The following SOX5 variants were observed in gnomAD, a reference collection of about 807,000 sequenced individuals.
SOX5 encodes the protein SRY-box transcription factor 5.
Under a neutral mutation model 92.0 loss-of-function variants are expected in SOX5, and 9 were observed. The observed-to-expected ratio is 0.10, with a 90% CI of 0.06 to 0.17. The LOEUF is 0.17. Ranked by LOEUF, SOX5 falls within the 10% of genes least tolerant of loss-of-function variation. SOX5 has a pLI of 1.00. For synonymous variants in SOX5, 344 were observed against 336.3 expected (o/e 1.02, Z -0.25); for missense variants, 642 against 944.5 (o/e 0.68, Z 4.20).
chr12:24,403,501 C>T (rs2136670389), intron 1 of SOX5, among the ~76,000 whole-genome samples: 1 of 152,346 alleles, frequency 6.6e-6, no homozygotes, highest in Non-Finnish European at 1.5e-5. Context: ...AGTTCTTACA[C>T]TGTGAGCATT....
intron 1 of SOX5, among the ~76,000 whole-genome samples, chr12:24,471,509 G>A (rs1430800875): frequency 1.3e-5 from 2 of 152,168 alleles, no homozygotes; most frequent in Non-Finnish European, 2.9e-5. Flanking sequence ...TGATAAAGAT[G>A]TATGAGATTA....
At chr12:24,057,408 C>A (rs1958241902) in intron 4 of SOX5, among the ~76,000 whole-genome samples, 1 of 152,104 alleles carries the variant, frequency 6.6e-6, no homozygotes, top group Non-Finnish European at 1.5e-5. Context: ...GCATTTCTCC[C>A]CCTCTTTACA....
chr12:24,295,013 G>A (rs2140548807), intron 2 of SOX5, among the ~76,000 whole-genome samples: 1 of 152,174 alleles, frequency 6.6e-6, no homozygotes, highest in South Asian at 2.1e-4. Context: ...CAAGTTTGTG[G>A]TTTTTATATT....
At chr12:23,801,450 C>T (rs1401429441) in intron 3 of SOX5, among the ~76,000 whole-genome samples, 5 of 152,098 alleles carry the variant, frequency 3.3e-5, no homozygotes, top group African/African-American at 1.2e-4. Context: ...CCTGGCTTAT[C>T]CAGTAGATTA....
At chr12:23,536,763 TG>T (rs1321397722) in intron 13 of SOX5, 94 bp from the exon 14 acceptor site, 3 of 987,712 alleles carry the variant, frequency 3.0e-6, no homozygotes, top group Non-Finnish European at 4.8e-6. Context: ...AAAGTTGAGA[TG>T]TTAGCCAAAA....
intron 4 of SOX5, among the ~76,000 whole-genome samples, chr12:24,118,740 A>C (rs1378603595): frequency 6.6e-6 from 1 of 152,188 alleles, no homozygotes; most frequent in African/African-American, 2.4e-5. Flanking sequence ...TTCTTTAATC[A>C]AGGCATTTAC....
chr12:23,600,522 C>CATATATATATGTATAT (rs2074311541), intron 9 of SOX5, among the ~76,000 whole-genome samples: 1 of 39,802 alleles, frequency 2.5e-5, no homozygotes, highest in African/African-American at 9.4e-5. Flanking sequence ...GGGGGGGGTG[C>CATATATATATGTATAT]ATATATATAT....
At chr12:24,288,089 G>C (rs889000360) in intron 2 of SOX5, among the ~76,000 whole-genome samples, 1 of 152,180 alleles carries the variant, frequency 6.6e-6, no homozygotes, top group Non-Finnish European at 1.5e-5. Context: ...TACTTTTAAA[G>C]TGGGATTAGC....
At chr12:24,104,851 C>G (rs1946499172) in intron 4 of SOX5, among the ~76,000 whole-genome samples, 2 of 152,166 alleles carry the variant, frequency 1.3e-5, no homozygotes, top group South Asian at 4.1e-4. Context: ...TCCACGACAG[C>G]CAAACAATTT....
intron 4 of SOX5, among the ~76,000 whole-genome samples, chr12:23,997,702 C>T (rs1951170702): frequency 6.6e-6 from 1 of 152,144 alleles, no homozygotes; most frequent in African/African-American, 2.4e-5. Flanking sequence ...CATCAGCAAA[C>T]AATAGAACTC....
chr12:23,887,289 A>C (rs2137348319), intron 2 of SOX5, among the ~76,000 whole-genome samples: 1 of 152,306 alleles, frequency 6.6e-6, no homozygotes, highest in South Asian at 2.1e-4. Context: ...GGCTCTATTG[A>C]GATCCACAAG....
intron 4 of SOX5, among the ~76,000 whole-genome samples, chr12:23,744,221 GAACT>G (rs771877738): frequency 1.1e-4 from 16 of 152,000 alleles, no homozygotes; most frequent in Non-Finnish European, 8.8e-5. Context: ...TTCCGTCCTT[GAACT>G]AACATGCTTC....
chr12:24,552,574 C>T (rs10771095), intron 1 of SOX5, among the ~76,000 whole-genome samples: 84,373 of 152,130 alleles, frequency 0.55, 26,087 homozygotes, highest in East Asian at 0.91. Context: ...TCAGTTTTTA[C>T]GTATTCAGAA....
At chr12:23,616,272 G>T (rs1258796292) in intron 8 of SOX5, among the ~76,000 whole-genome samples, 1 of 152,206 alleles carries the variant, frequency 6.6e-6, no homozygotes, top group Non-Finnish European at 1.5e-5. Flanking sequence ...CAGGGGTAGA[G>T]AATAGATGGA....
At chr12:24,433,748 A>G (rs897085054) in intron 1 of SOX5, among the ~76,000 whole-genome samples, 43 of 152,324 alleles carry the variant, frequency 2.8e-4, no homozygotes, top group Non-Finnish European at 3.5e-4. Flanking sequence ...GGATAGAGAA[A>G]GATCTCAAGG....
chr12:23,912,290 C>T (rs2097360465), intron 1 of SOX5, among the ~76,000 whole-genome samples: 1 of 152,094 alleles, frequency 6.6e-6, no homozygotes, highest in Admixed American at 6.6e-5. Flanking sequence ...AAACCAAAAT[C>T]ACAATAAGAT....
intron 11 of SOX5, among the ~76,000 whole-genome samples, chr12:23,548,791 T>A (rs1291598789): frequency 6.6e-6 from 1 of 152,014 alleles, no homozygotes; most frequent in Non-Finnish European, 1.5e-5. Context: ...TGTATAAAAG[T>A]AGATATAAAT....
At chr12:23,837,263 AATATATAATATG>A (rs1383010904) in intron 3 of SOX5, among the ~76,000 whole-genome samples, 23,061 of 111,620 alleles carry the variant, frequency 0.21, 4,012 homozygotes, top group Non-Finnish European at 0.28. Flanking sequence ...ATATTTATAT[AATATATAATATG>A]TATTTATATT....
At chr12:24,492,670 T>C (rs1328116890) in intron 1 of SOX5, among the ~76,000 whole-genome samples, 1 of 152,176 alleles carries the variant, frequency 6.6e-6, no homozygotes, top group African/African-American at 2.4e-5. Flanking sequence ...TGCTAAACAA[T>C]GTTACCATGC....
Sources: gnomAD v4.1 joint callset for allele counts (sites outside exome capture counted in the v4.1 genomes callset) on GRCh38, gnomAD v4.1.1 for gene constraint, MANE v1.5 for transcripts, NCBI Gene and HGNC (gene_info 2026-07-23, HGNC 2026-07-21) for gene names.